The following ZFPM2 variants were observed in gnomAD, a reference collection of about 807,000 sequenced individuals.
ZFPM2 encodes zinc finger protein ZFPM2.
A neutral mutation model predicts 98.6 loss-of-function variants in ZFPM2; 20 were observed. The ratio of observed to expected loss-of-function variants is 0.20; its 90% CI spans 0.14 to 0.29. The LOEUF is 0.29. ZFPM2 is among the 10% of genes least tolerant of loss of function. The probability of loss-of-function intolerance (pLI) is 1.00; values close to 1 mark genes in which losing one functional copy is unlikely to be tolerated. For synonymous variants in ZFPM2, 518 were observed against 502.7 expected, an observed-to-expected ratio of 1.03 and a Z score of -0.41; for missense variants, 1,310 against 1,388.6, an observed-to-expected ratio of 0.94 and a Z score of 0.90.
At chr8:105,385,941 C>A (rs568371467) in intron 1 of ZFPM2, among the ~76,000 whole-genome samples, 2 of 152,278 alleles carry the variant, frequency 1.3e-5, no homozygotes, top group African/African-American at 4.8e-5. Context: ...AGTTCTGCAG[C>A]CCACCTCCAT....
At chr8:105,343,889 C>T (rs1267096318) in intron 1 of ZFPM2, among the ~76,000 whole-genome samples, 2 of 151,944 alleles carry the variant, frequency 1.3e-5, no homozygotes, top group Non-Finnish European at 2.9e-5. Flanking sequence ...TGTATTAGTC[C>T]ATTTTCACAT....
chr8:105,711,450 C>T (rs189250018), intron 5 of ZFPM2, among the ~76,000 whole-genome samples: 45 of 152,168 alleles, frequency 3.0e-4, no homozygotes, highest in Admixed American at 5.9e-4. Context: ...TTAGTTGTCT[C>T]CCTGACTCTT....
At chr8:105,540,042 A>G (rs184857159) in intron 3 of ZFPM2, among the ~76,000 whole-genome samples, 8 of 152,236 alleles carry the variant, frequency 5.3e-5, no homozygotes, top group African/African-American at 1.9e-4. Flanking sequence ...TATTATATCC[A>G]GATCCTTTGT....
chr8:105,569,589 T>C (rs182635210), intron 4 of ZFPM2, among the ~76,000 whole-genome samples: 9 of 152,338 alleles, frequency 5.9e-5, no homozygotes, highest in African/African-American at 1.7e-4. Flanking sequence ...ATGCCCATGA[T>C]GGTTTCTTGA....
intron 5 of ZFPM2, among the ~76,000 whole-genome samples, chr8:105,732,635 C>T (rs1453121418): frequency 6.6e-6 from 1 of 151,794 alleles, no homozygotes; most frequent in Non-Finnish European, 1.5e-5. Context: ...TTTTTGGAAC[C>T]AATTTCTAAC....
chr8:105,529,048 T>C (rs1586438286), intron 3 of ZFPM2: 1 of 152,252 alleles, frequency 6.6e-6, no homozygotes, highest in African/African-American at 2.4e-5. Flanking sequence ...ACAACAGAAA[T>C]TTATTTTCTC....
intron 6 of ZFPM2, 165 bp downstream of exon 6, chr8:105,789,089 C>CTT: frequency 1.1e-4 from 54 of 493,268 alleles, no homozygotes; most frequent in Middle Eastern, 5.8e-4. Context: ...AATGATGTTA[C>CTT]TTTTTTTTTT....
intron 3 of ZFPM2, among the ~76,000 whole-genome samples, chr8:105,452,870 G>A (rs1586383480): frequency 6.6e-6 from 1 of 152,130 alleles, no homozygotes; most frequent in Non-Finnish European, 1.5e-5. Context: ...CCAGTATTGT[G>A]CTCTGCAAAT....
rs1258978817 is a variant in ZFPM2 at position 105,444,325 on chromosome 8, C to T, written c.245C>T (p.Thr82Ile). The change falls in exon 3 of 8, where the codon ACA becomes ATA. Residue 82 changes from threonine to isoleucine, a missense_variant. Transcript: ENST00000407775. The part of the protein sequence containing the change: ...IQETAESDGD[T>I]QSEKPGQPGV... ...GAGACAGCAGAATCAGATGGGGACACACAGTCAGAGAAACCGGGGCAACCT... is the reference window on the plus strand; with the variant it reads ...GAGACAGCAGAATCAGATGGGGACATACAGTCAGAGAAACCGGGGCAACCT... 1.9e-6 allele frequency: 3 copies of T among 1,612,522 alleles called. No homozygotes were observed. In the South Asian group the frequency reaches 3.3e-5, roughly 18 times the overall value.
intron 3 of ZFPM2, among the ~76,000 whole-genome samples, chr8:105,537,621 G>T (rs191064084): frequency 1.3e-5 from 2 of 152,258 alleles, no homozygotes; most frequent in African/African-American, 4.8e-5. Context: ...GTTTGAGGCT[G>T]CACTGAGCTA....
intron 3 of ZFPM2, among the ~76,000 whole-genome samples, chr8:105,473,347 T>A (rs1812945880): frequency 6.6e-6 from 1 of 152,220 alleles, no homozygotes; most frequent in Non-Finnish European, 1.5e-5. Flanking sequence ...TGTAATCAAA[T>A]GCCATTTTGT....
chr8:105,802,292 A>G lies in ZFPM2; in HGVS notation c.2210A>G (p.Lys737Arg). ...ATGCAGAGAACCATGCGCACACGCA[A>G]GCGCAGAAAGATGTATGAGATGTGC... ...PAMQRTMRTR[K>R]RRKMYEMCLP... The change falls in exon 8 of 8, where the codon AAG becomes AGG. Residue 737 changes from lysine (K) to arginine (R), a missense_variant. Physicochemically the swap from Lys to Arg is conservative, Grantham distance 26 (BLOSUM62 2). Coordinates refer to ENST00000407775, the MANE Select transcript of ZFPM2 (RefSeq NM_012082.4). The G allele has an allele frequency of 6.2e-7, 1 of 1,613,816 alleles. No individual in the cohort carries two copies. The highest frequency in any genetic ancestry group is 8.5e-7 in the Non-Finnish European group (1 of 1,179,822).
chr8:105,768,313 A>G (rs1812902216), intron 5 of ZFPM2, among the ~76,000 whole-genome samples: 1 of 152,010 alleles, frequency 6.6e-6, no homozygotes, highest in Non-Finnish European at 1.5e-5. Context: ...TGTTAAAAGC[A>G]AAATAGATTT....
rs574471575 is a variant in ZFPM2, at chr8:105,526,565, G to A, written c.302-34798G>A. 7.9e-5 allele frequency among the ~76,000 whole-genome samples: 12 copies of A among 152,152 alleles called. No homozygotes were observed. The South Asian group carries it at 2.5e-3, about 32-fold the overall frequency. The stretch of plus-strand genomic sequence containing the variant: ...TTTTTTAAATTTTATATTTGCATTT[G>A]AGGTTACAATATTGAGTCTTCTTAA... On this transcript the variant is annotated intron_variant, in intron 3 of 7. Transcript: ENST00000407775.
intron 2 of ZFPM2, among the ~76,000 whole-genome samples, chr8:105,435,386 T>G (rs1812099781): frequency 6.6e-6 from 1 of 152,202 alleles, no homozygotes; most frequent in Non-Finnish European, 1.5e-5. Flanking sequence ...TTAAATATGT[T>G]TGTGCTTTGC....
Position 105,801,458 on chromosome 8 carries a change from C to A in ZFPM2, c.1376C>A (p.Thr459Lys). ...AACCAGAGACCAGAGATACAGCCTA[C>A]AACAAATAAACAAAGCTTTTCTTAC... The part of the protein sequence containing the change: ...LTNQRPEIQP[T>K]TNKQSFSYTK... The change falls in exon 8 of 8, where the codon ACA becomes AAA. Residue 459 changes from threonine (T) to lysine (K), a missense_variant. Thr to Lys is a moderately conservative substitution (Grantham distance 78). Transcript: ENST00000407775. The A allele has an allele frequency of 6.2e-7, 1 of 1,613,924 alleles. No individual in the cohort carries two copies. The highest frequency in any genetic ancestry group is 8.5e-7 in the Non-Finnish European group (1 of 1,179,868).
chr8:105,363,402 G>T (rs1810444688), intron 1 of ZFPM2, among the ~76,000 whole-genome samples: 1 of 152,120 alleles, frequency 6.6e-6, no homozygotes, highest in Non-Finnish European at 1.5e-5. Context: ...CAATATTTGT[G>T]TAACATGTCC....
intron 5 of ZFPM2, among the ~76,000 whole-genome samples, chr8:105,671,764 C>G (rs1817603435): frequency 6.6e-6 from 1 of 151,962 alleles, no homozygotes; most frequent in Non-Finnish European, 1.5e-5. Context: ...CTTTTGGGAA[C>G]TTGACTGTGT....
chr8:105,502,101 CAAATT>C (rs1813607672), intron 3 of ZFPM2, among the ~76,000 whole-genome samples: 1 of 151,938 alleles, frequency 6.6e-6, no homozygotes, highest in African/African-American at 2.4e-5. Context: ...AAAGTATACA[CAAATT>C]AGATGTTCAA....
Sources: gnomAD v4.1 joint callset for allele counts (sites outside exome capture counted in the v4.1 genomes callset) on GRCh38, gnomAD v4.1.1 for gene constraint, MANE v1.5 for transcripts, NCBI Gene and HGNC (gene_info 2026-07-23, HGNC 2026-07-21) for gene names.